Variants in DCLK2 observed in about 807,000 individuals in gnomAD.
The protein encoded by DCLK2 is doublecortin like kinase 2.
A neutral mutation model predicts 78.4 loss-of-function variants in DCLK2; 31 were observed. That is an observed-to-expected ratio of 0.40 (90% CI 0.30 to 0.53). The LOEUF (loss-of-function observed/expected upper bound fraction) is 0.53, where lower values mean the gene tolerates loss of function less well. Ranked by LOEUF, DCLK2 falls within the 20% of genes least tolerant of loss-of-function variation. The probability of loss-of-function intolerance (pLI) is 0.61; values close to 1 mark genes in which losing one functional copy is unlikely to be tolerated. For missense variants in DCLK2, 872 were observed against 973.7 expected (o/e 0.90, Z 1.39); for synonymous variants, 407 against 374.9 (o/e 1.09, Z -0.99).
At chr4:150,199,122 G>A in intron 4 of DCLK2, 2 of 1,557,856 alleles carry the variant, frequency 1.3e-6, no homozygotes, top group East Asian at 4.6e-5. Context: ...CTGGGTTTTT[G>A]TTTTTGTTTT....
chr4:150,149,163 T>C (rs1052553244), intron 2 of DCLK2, among the ~76,000 whole-genome samples: 6 of 151,986 alleles, frequency 3.9e-5, no homozygotes, highest in Admixed American at 2.0e-4. Context: ...CAGAATCCAT[T>C]TAAATTTTAT....
At chr4:150,169,531 C>T (rs1736353030) in intron 2 of DCLK2, among the ~76,000 whole-genome samples, 1 of 152,000 alleles carries the variant, frequency 6.6e-6, no homozygotes, top group African/African-American at 2.4e-5. Flanking sequence ...GTGGCAGGCA[C>T]CTGTAATCCT....
chr4:150,239,766 A>C lies in DCLK2; in HGVS notation c.1591A>C (p.Lys531Gln), dbSNP rs201910979. The change falls in exon 11 of 16, where the codon AAG becomes CAG. Residue 531 changes from lysine (K) to glutamine (Q), a missense_variant. Around this residue, in one of 3 missense-constraint regions of DCLK2, gnomAD observed 86 missense variants for 150.3 expected, o/e 0.57. Coordinates refer to ENST00000296550, the MANE Select transcript of DCLK2 (RefSeq NM_001040260.4). ...GGTGTGTGAATATCCTGATGGAACC[A>C]AGTCTTTGAAACTGGGAGACTTTGG... is the stretch of plus-strand genomic sequence containing the variant. ...LLVCEYPDGT[K>Q]SLKLGDFGLA... 8.2e-5 allele frequency: 133 copies of C among 1,614,210 alleles called. No individual in the cohort carries two copies. The African/African-American group carries it at 1.4e-3, about 17-fold the overall frequency.
chr4:150,134,455 G>A (rs1319715396), intron 2 of DCLK2, among the ~76,000 whole-genome samples: 1 of 152,112 alleles, frequency 6.6e-6, no homozygotes, highest in African/African-American at 2.4e-5. Context: ...GGCAGTGCTT[G>A]ATGTGTTGAC....
chr4:150,203,600 CTG>C (rs1376149091), intron 4 of DCLK2, among the ~76,000 whole-genome samples, 193 bp from the exon 5 acceptor site: 3 of 52,070 alleles, frequency 5.8e-5, no homozygotes, highest in Non-Finnish European at 7.5e-5. Context: ...TAGTTTCACT[CTG>C]TTTTTTTTTT....
At chr4:150,189,597 T>C (rs1028298961) in intron 2 of DCLK2, among the ~76,000 whole-genome samples, 5 of 152,134 alleles carry the variant, frequency 3.3e-5, no homozygotes, top group Admixed American at 3.3e-4. Flanking sequence ...GGGATTGTTG[T>C]AGGGATTGAG....
intron 2 of DCLK2, among the ~76,000 whole-genome samples, chr4:150,103,952 CA>C (rs1229815255): frequency 6.6e-6 from 1 of 151,942 alleles, no homozygotes; most frequent in African/African-American, 2.4e-5. Context: ...CACAGTACAA[CA>C]CAAAACACCT....
At chr4:150,207,013 A>T (rs1739893470) in intron 5 of DCLK2, among the ~76,000 whole-genome samples, 1 of 152,166 alleles carries the variant, frequency 6.6e-6, no homozygotes, top group Non-Finnish European at 1.5e-5. Flanking sequence ...ACCGTGTGTT[A>T]GTACTGTGCG....
chr4:150,145,433 A>G (rs148290991), intron 2 of DCLK2, among the ~76,000 whole-genome samples: 360 of 152,310 alleles, frequency 2.4e-3, no homozygotes, highest in African/African-American at 8.1e-3. Context: ...CTAGTCCCCT[A>G]ATAGGTGTTG....
chr4:150,219,195 C>A (rs1740975918), intron 5 of DCLK2, among the ~76,000 whole-genome samples: 2 of 151,700 alleles, frequency 1.3e-5, no homozygotes, highest in African/African-American at 4.8e-5. Flanking sequence ...CAGAATGAGA[C>A]CCTGTCTTTT....
At position 150,166,537 on chromosome 4, in the gene DCLK2, C is replaced by T. The variant is rs1467935422; in HGVS notation, c.757-26601C>T. ...CAAAAACCGATATTCTACTTGTCCCCAGCATTCTTCATTACTTGTGAAATT... is the reference window on the plus strand; with the variant it reads ...CAAAAACCGATATTCTACTTGTCCCTAGCATTCTTCATTACTTGTGAAATT... On this transcript the variant is annotated intron_variant, in intron 2 of 15. Coordinates refer to ENST00000296550, the MANE Select transcript of DCLK2 (RefSeq NM_001040260.4). Among the ~76,000 whole-genome samples, 6 of 152,060 alleles carry T rather than the reference C, an allele frequency of 3.9e-5. No homozygotes were observed. The East Asian group carries it at 9.7e-4, about 24-fold the overall frequency.
intron 2 of DCLK2, among the ~76,000 whole-genome samples, chr4:150,136,508 G>A (rs1733690802): frequency 2.0e-5 from 3 of 152,218 alleles, no homozygotes; most frequent in African/African-American, 7.2e-5. Flanking sequence ...GATGGCATGA[G>A]ATTCAAAGGA....
intron 1 of DCLK2, among the ~76,000 whole-genome samples, chr4:150,089,864 T>C (rs1400347212): frequency 6.6e-6 from 1 of 152,232 alleles, no homozygotes; most frequent in Non-Finnish European, 1.5e-5. Context: ...GTATGCTGTA[T>C]GTCAGAATGC....
chr4:150,137,832 C>A (rs1733807303), intron 2 of DCLK2, among the ~76,000 whole-genome samples: 1 of 152,022 alleles, frequency 6.6e-6, no homozygotes, highest in South Asian at 2.1e-4. Flanking sequence ...ATGTTATGAC[C>A]ATCTGTATTT....
chr4:150,102,573 A>T lies in DCLK2; in HGVS notation c.517A>T (p.Thr173Ser). Residue 173 changes from threonine (T) to serine (S), a missense_variant, in exon 2 of 16, where the codon ACA (threonine) becomes TCA (serine). Physicochemically the swap from Thr to Ser is moderately conservative, Grantham distance 58. Coordinates refer to ENST00000296550, the MANE Select transcript of DCLK2 (RefSeq NM_001040260.4). Reference protein sequence around the residue: ...PNWSVNIKGGTSRALAAASSV... With the variant: ...PNWSVNIKGGSSRALAAASSV... ...CTGGTCTGTGAACATCAAGGGTGGGACATCCCGAGCGCTGGCTGCTGCCTC... is the reference window on the plus strand; with the variant it reads ...CTGGTCTGTGAACATCAAGGGTGGGTCATCCCGAGCGCTGGCTGCTGCCTC... 6.2e-7 allele frequency: 1 copy of T among 1,614,224 alleles called. No individual in the cohort carries two copies. The highest frequency in any genetic ancestry group is 8.5e-7 in the Non-Finnish European group (1 of 1,180,026).
intron 3 of DCLK2, among the ~76,000 whole-genome samples, chr4:150,194,507 TTGGCAATAATAA>T (rs1738722454): frequency 6.6e-6 from 1 of 152,206 alleles, no homozygotes; most frequent in Non-Finnish European, 1.5e-5. Flanking sequence ...CAAGTAGTAT[TTGGCAATAATAA>T]TCTCAACTAT....
chr4:150,225,915 C>T (rs1741570712), intron 8 of DCLK2, among the ~76,000 whole-genome samples: 1 of 152,030 alleles, frequency 6.6e-6, no homozygotes, highest in Non-Finnish European at 1.5e-5. Flanking sequence ...ACACCTAGAA[C>T]ATAAGATTAT....
chr4:150,120,253 T>G (rs1179356880), intron 2 of DCLK2, among the ~76,000 whole-genome samples: 1 of 152,180 alleles, frequency 6.6e-6, no homozygotes, highest in East Asian at 1.9e-4. Flanking sequence ...TAGCTTTTGG[T>G]AGCCTATTAT....
intron 2 of DCLK2, among the ~76,000 whole-genome samples, chr4:150,163,849 A>G (rs1418341388): frequency 6.6e-6 from 1 of 152,236 alleles, no homozygotes; most frequent in African/African-American, 2.4e-5. Context: ...GAGTCACCAA[A>G]GTTCTTACCA....
Sources: allele counts gnomAD v4.1 joint callset (sites outside exome capture counted in the v4.1 genomes callset), GRCh38; gene constraint gnomAD v4.1.1; regional missense constraint gnomAD v4.1.1; transcripts MANE v1.5; gene names NCBI Gene and HGNC (gene_info 2026-07-23, HGNC 2026-07-21).